Variants in POFUT1 observed in about 807,000 individuals in gnomAD.
POFUT1 encodes protein O-fucosyltransferase 1, also known as GDP-fucose protein O-fucosyltransferase 1.
In POFUT1, 16 loss-of-function variants were observed where a neutral mutation model predicts 42.4. The observed-to-expected ratio is 0.38, with a 90% CI of 0.26 to 0.57. The LOEUF is 0.57. POFUT1 is among the 20% of genes least tolerant of loss of function. The probability of loss-of-function intolerance (pLI) is 0.71; values close to 1 mark genes in which losing one functional copy is unlikely to be tolerated. For synonymous variants in POFUT1, 206 were observed against 205.4 expected (o/e 1.00, Z -0.03); for missense variants, 470 against 504.6 (o/e 0.93, Z 0.66).
Position 32,234,724 on chromosome 20 carries a change from G to C in POFUT1, c.*63G>C. 1 of 1,429,814 alleles carries C rather than the reference G, an allele frequency of 7.0e-7. No individual in the cohort carries two copies. Among genetic ancestry groups the C allele is most frequent in the Non-Finnish European group, 9.4e-7 (1 of 1,058,682 alleles). 88.6% of individuals were successfully genotyped at this position (1,429,814 alleles called of 1,614,324 possible). On this transcript the variant is annotated 3_prime_UTR_variant, in exon 7 of 7. Transcript: ENST00000375749. ...ACCAGAGTCTGAGCTGGTCCTTCCA[G>C]CCAGGCCTGGCAGCCAGAGGTGCTC...
chr20:32,217,548 G>C (rs2047368722), intron 4 of POFUT1: 1 of 984,090 alleles, frequency 1.0e-6, no homozygotes, highest in African/African-American at 1.8e-5. Context: ...AGAGATCAAG[G>C]CTGCAGTGAG....
intron 1 of POFUT1, among the ~76,000 whole-genome samples, chr20:32,209,032 ACT>A (rs2047311695): frequency 6.6e-6 from 1 of 151,860 alleles, no homozygotes; most frequent in Admixed American, 6.6e-5. Flanking sequence ...TGGCTTCCAG[ACT>A]CCTGACCATG....
rs771145804 is a variant in POFUT1 at position 32,228,462 on chromosome 20, T to TC, written c.735+12dup. On this transcript the variant is annotated splice_region_variant and intron_variant, in intron 5 of 6. Coordinates refer to ENST00000375749, the MANE Select transcript of POFUT1 (RefSeq NM_015352.2). ...GCGCATTGGCTCTGACTGGGTAACT[T>TC]CCCCCTTCCTCTCTCACTGGCTAAC... is the stretch of plus-strand genomic sequence containing the variant. 3.2e-5 allele frequency: 51 copies of TC among 1,611,838 alleles called. No homozygotes were observed. Among genetic ancestry groups the TC allele is most frequent in the Admixed American group, 1.3e-4 (8 of 59,920 alleles).
At chr20:32,223,285 C>G (rs951400493) in intron 4 of POFUT1, 2 of 985,292 alleles carry the variant, frequency 2.0e-6, no homozygotes, top group Non-Finnish European at 2.4e-6. Context: ...AGCCAAGATC[C>G]CTGTTCCCCC....
intron 5 of POFUT1, among the ~76,000 whole-genome samples, chr20:32,229,540 G>A (rs986848411): frequency 6.6e-5 from 10 of 152,196 alleles, no homozygotes; most frequent in Admixed American, 6.5e-4. Context: ...ACTTGATAAA[G>A]GCTATCTCTC....
intron 4 of POFUT1, chr20:32,222,515 A>T: frequency 1.3e-6 from 1 of 744,396 alleles, no homozygotes; most frequent in Admixed American, 6.3e-5. Flanking sequence ...ATTGGCTAGT[A>T]CGAGGGCACA....
intron 2 of POFUT1, among the ~76,000 whole-genome samples, chr20:32,213,470 A>AT (rs1276444954): frequency 6.7e-6 from 1 of 150,078 alleles, no homozygotes; most frequent in Non-Finnish European, 1.5e-5. Context: ...AAAAAAAAAA[A>AT]GTAGAAAAAT....
intron 1 of POFUT1, among the ~76,000 whole-genome samples, 198 bp from the exon 2 acceptor site, chr20:32,209,873 G>A (rs1159346325): frequency 3.3e-5 from 5 of 152,162 alleles, no homozygotes; most frequent in Admixed American, 6.5e-5. Context: ...CTGGAGTGGC[G>A]GAAGCAGTTG....
Position 32,207,922 on chromosome 20 carries a change from G to C in POFUT1, c.-20G>C. On this transcript the variant is annotated 5_prime_UTR_variant, in exon 1 of 7. Coordinates refer to ENST00000375749, the MANE Select transcript of POFUT1 (RefSeq NM_015352.2). The stretch of plus-strand genomic sequence containing the variant: ...CCTCCCCGACTGTGCGCCGCGGCTG[G>C]CTCGGGTTCCCGGGCCGACATGGGC... The C allele has an allele frequency of 6.4e-7, 1 of 1,574,392 alleles. No homozygotes were observed. Among genetic ancestry groups the C allele is most frequent in the Non-Finnish European group, 8.6e-7 (1 of 1,169,128 alleles).
intron 2 of POFUT1, among the ~76,000 whole-genome samples, chr20:32,214,159 CTG>C (rs1446213463): frequency 6.6e-6 from 1 of 151,994 alleles, no homozygotes; most frequent in African/African-American, 2.4e-5. Context: ...GAGTCTCACT[CTG>C]TGGCCCAGGC....
At position 32,208,034 on chromosome 20, in the gene POFUT1, G is replaced by A; in HGVS notation, c.93G>A (p.Pro31=). ...GGATGCCTGCGGGCTCCTGGGACCC[G>A]GCCGGTTACCTGCTCTACTGCCCCT... The part of the protein sequence containing the change: ...LPGMPAGSWD[P]AGYLLYCPCM... The change falls in exon 1 of 7, where the codon CCG becomes CCA. Residue 31 remains proline (P), a synonymous_variant. Transcript: ENST00000375749. The A allele has an allele frequency of 6.4e-7, 1 of 1,571,888 alleles. No individual in the cohort carries two copies. Among genetic ancestry groups the A allele is most frequent in the African/African-American group, 1.3e-5 (1 of 74,172 alleles).
intron 5 of POFUT1, among the ~76,000 whole-genome samples, chr20:32,229,716 A>G (rs2047432110): frequency 6.6e-6 from 1 of 152,184 alleles, no homozygotes; most frequent in Non-Finnish European, 1.5e-5. Flanking sequence ...TCAAAATGCC[A>G]GGCTTTCTGT....
chr20:32,210,293 TG>T, intron 2 of POFUT1, 101 bp downstream of exon 2: 2 of 1,213,020 alleles, frequency 1.6e-6, no homozygotes, highest in Middle Eastern at 1.9e-4. Flanking sequence ...CCCACTCCTC[TG>T]AGATTTCCCT....
In POFUT1 at chr20:32,223,531, C is replaced by G. The variant is rs565044525; in HGVS notation, c.543-4732C>G. The G allele has an allele frequency of 6.1e-6, 6 of 981,592 alleles. No individual in the cohort carries two copies. The Admixed American group carries it at 1.9e-4, about 31-fold the overall frequency. 60.8% of individuals were successfully genotyped at this position (981,592 alleles called of 1,614,324 possible). ...AGGGGGCCGCAGATCCTGGTTTTAT[C>G]CTGATATTCCAGCCCCACTGGGAGA... On this transcript the variant is annotated intron_variant, in intron 4 of 6. Coordinates refer to ENST00000375749, the MANE Select transcript of POFUT1 (RefSeq NM_015352.2).
intron 4 of POFUT1, 81 bp downstream of exon 4, chr20:32,216,802 C>T: frequency 7.3e-7 from 1 of 1,366,836 alleles, no homozygotes; most frequent in Admixed American, 1.8e-5. Flanking sequence ...GGCACTCTCC[C>T]CATCTTCCCA....
At chr20:32,209,111 T>A (rs1257648740) in intron 1 of POFUT1, among the ~76,000 whole-genome samples, 1 of 152,186 alleles carries the variant, frequency 6.6e-6, no homozygotes, top group East Asian at 1.9e-4. Context: ...CTGCTGATCC[T>A]CCAGCTGCAG....
At chr20:32,223,953 C>T (rs1432492227) in intron 4 of POFUT1, among the ~76,000 whole-genome samples, 2 of 152,206 alleles carry the variant, frequency 1.3e-5, no homozygotes, top group African/African-American at 4.8e-5. Flanking sequence ...TCAGTTTCCT[C>T]ACCTGTAAAA....
In POFUT1 at chr20:32,215,231, G is replaced by T. The variant is rs761675998; in HGVS notation, c.247-38G>T. ...ATAAATGTCTAAAGTAGCCACGGGGGCACTGAGACGGGACCTCTGCTCCTC... is the reference window on the plus strand; with the variant it reads ...ATAAATGTCTAAAGTAGCCACGGGGTCACTGAGACGGGACCTCTGCTCCTC... On this transcript the variant is annotated intron_variant, in intron 2 of 6. Transcript: ENST00000375749. 81 of 1,541,320 alleles carry T rather than the reference G, an allele frequency of 5.3e-5. 3 individuals carry two copies. The South Asian group carries it at 7.0e-4, about 13-fold the overall frequency.
chr20:32,208,752 T>A (rs1326566947), intron 1 of POFUT1, among the ~76,000 whole-genome samples: 1 of 151,812 alleles, frequency 6.6e-6, no homozygotes, highest in African/African-American at 2.4e-5. Context: ...GGAGGATCTC[T>A]TGAGCCGAGG....
Sources: gnomAD v4.1 joint callset for allele counts (sites outside exome capture counted in the v4.1 genomes callset) on GRCh38, gnomAD v4.1.1 for gene constraint, MANE v1.5 for transcripts, NCBI Gene and HGNC (gene_info 2026-07-23, HGNC 2026-07-21) for gene names.